FMN2: variants seen among roughly 807,000 people sequenced by gnomAD.
FMN2 encodes the protein formin 2.
FMN2 carries 51 observed loss-of-function variants against 142.3 expected under a neutral mutation model. The observed-to-expected ratio is 0.36, with a 90% CI of 0.29 to 0.45. FMN2 has a LOEUF of 0.45. Among genes scored for constraint, FMN2 ranks in the 20% least tolerant of loss-of-function variants. The pLI, the probability that FMN2 is intolerant of heterozygous loss-of-function variation, is 1.00. For missense variants in FMN2, 1,936 were observed against 2,122.8 expected (o/e 0.91, Z 1.73); for synonymous variants, 882 against 869.8 (o/e 1.01, Z -0.25).
chr1:240,124,902 G>A (rs775029932), intron 2 of FMN2, among the ~76,000 whole-genome samples: 7 of 152,042 alleles, frequency 4.6e-5, no homozygotes, highest in Non-Finnish European at 8.8e-5. Context: ...TCCTGACCTC[G>A]TGATCCACCC....
At chr1:240,274,173 G>A (rs138246144) in intron 7 of FMN2, among the ~76,000 whole-genome samples, 3 of 150,856 alleles carry the variant, frequency 2.0e-5, no homozygotes, top group African/African-American at 7.3e-5. Context: ...ATCCATGTCT[G>A]TGTTCCCATA....
At chr1:240,242,915 G>C (rs989777742) in intron 6 of FMN2, among the ~76,000 whole-genome samples, 6 of 152,112 alleles carry the variant, frequency 3.9e-5, no homozygotes, top group Non-Finnish European at 7.4e-5. Context: ...TAGGCTGCCC[G>C]AGTAAAGAGG....
At chr1:240,458,921 T>C (rs1009292876) in intron 16 of FMN2, 1 of 152,144 alleles carries the variant, frequency 6.6e-6, no homozygotes, top group Admixed American at 6.6e-5. Context: ...AAAGGGCGTA[T>C]CAAGTGAGCT....
chr1:240,462,813 G>T (rs1676488842), intron 16 of FMN2, among the ~76,000 whole-genome samples: 2 of 152,152 alleles, frequency 1.3e-5, no homozygotes, highest in Admixed American at 1.3e-4. Flanking sequence ...GGGGGGGAAA[G>T]AAGTATGTGA....
chr1:240,449,689 A>G (rs1675938458), intron 16 of FMN2, among the ~76,000 whole-genome samples: 1 of 152,214 alleles, frequency 6.6e-6, no homozygotes, highest in African/African-American at 2.4e-5. Context: ...GTGAAAAGCT[A>G]TTGTATACAA....
rs773816611 is a variant in FMN2, at chr1:240,123,311, A to C, written c.1748A>C (p.Asn583Thr). 182 of 1,614,022 alleles carry C rather than the reference A, an allele frequency of 1.1e-4. No homozygotes were observed. Among genetic ancestry groups the C allele is most frequent in the Non-Finnish European group, 1.5e-4 (177 of 1,180,028 alleles). Reference protein sequence around the residue: ...PFSDCFREPCNQNAQTNAASF... With the variant: ...PFSDCFREPCTQNAQTNAASF... The stretch of plus-strand genomic sequence containing the variant: ...AGTGATTGCTTCAGGGAACCGTGTA[A>C]TCAGAATGCCCAGACGAATGCAGCT... Residue 583 changes from asparagine to threonine, a missense_variant, in exon 2 of 18, where the codon AAT becomes ACT. Asn to Thr is a moderately conservative substitution (Grantham distance 65, BLOSUM62 0). Around this residue, in one of 8 missense-constraint regions of FMN2, gnomAD observed 478 missense variants for 462.8 expected, o/e 1.03. Coordinates refer to ENST00000319653, the MANE Select transcript of FMN2 (RefSeq NM_020066.5).
At chr1:240,236,248 A>AT (rs565182117) in intron 6 of FMN2, among the ~76,000 whole-genome samples, 3 of 151,882 alleles carry the variant, frequency 2.0e-5, no homozygotes, top group Non-Finnish European at 4.4e-5. Context: ...TGAAAATGGA[A>AT]TTTTTTCTCA....
intron 14 of FMN2, among the ~76,000 whole-genome samples, chr1:240,380,996 A>G (rs1010064963): frequency 6.6e-6 from 1 of 152,216 alleles, no homozygotes; most frequent in Non-Finnish European, 1.5e-5. Context: ...ACAAGTAATG[A>G]AATTGAGTCA....
At chr1:240,333,245 C>T (rs1007399546) in intron 11 of FMN2, among the ~76,000 whole-genome samples, 1 of 151,986 alleles carries the variant, frequency 6.6e-6, no homozygotes, top group Non-Finnish European at 1.5e-5. Context: ...AGATATGAAA[C>T]AATTTTACCT....
intron 4 of FMN2, among the ~76,000 whole-genome samples, chr1:240,198,563 T>A (rs1030438951): frequency 1.1e-4 from 16 of 152,192 alleles, no homozygotes; most frequent in African/African-American, 3.9e-4. Flanking sequence ...GCTCCCTGTG[T>A]GAGGCTCTTT....
intron 6 of FMN2, among the ~76,000 whole-genome samples, chr1:240,236,781 G>T (rs1667727139): frequency 6.6e-6 from 1 of 152,170 alleles, no homozygotes; most frequent in Non-Finnish European, 1.5e-5. Flanking sequence ...CCTCTCCCAT[G>T]ACCCAGTCAC....
At chr1:240,268,378 A>C (rs1379076) in intron 7 of FMN2, among the ~76,000 whole-genome samples, 41,739 of 151,980 alleles carry the variant, frequency 0.27, 5,907 homozygotes, top group Middle Eastern at 0.35. Context: ...TTAGAAGTTG[A>C]GCATGACTAC....
intron 6 of FMN2, among the ~76,000 whole-genome samples, chr1:240,247,229 G>A (rs1055344593): frequency 5.9e-5 from 9 of 152,200 alleles, no homozygotes; most frequent in Non-Finnish European, 1.2e-4. Flanking sequence ...CAGGCTGGGA[G>A]TGGTGGCTCA....
chr1:240,128,908 A>G (rs1309584089), intron 2 of FMN2, among the ~76,000 whole-genome samples: 2 of 152,060 alleles, frequency 1.3e-5, no homozygotes, highest in Non-Finnish European at 2.9e-5. Flanking sequence ...GAATCTCATT[A>G]TGCTGCCCAG....
chr1:240,207,493 C>T lies in FMN2; in HGVS notation c.2681C>T (p.Thr894Ile). 6.2e-7 allele frequency: 1 copy of T among 1,613,380 alleles called. No homozygotes were observed. Among genetic ancestry groups the T allele is most frequent in the Non-Finnish European group, 8.5e-7 (1 of 1,179,714 alleles). Residue 894 changes from threonine (T) to isoleucine (I), a missense_variant, in exon 5 of 18, where the codon ACA (threonine) becomes ATA (isoleucine). Physicochemically the swap from Thr to Ile is moderately conservative, Grantham distance 89. Transcript: ENST00000319653. The part of the protein sequence containing the change: ...PGMTVPTLPS[T>I]AIPQPPPLQG... Reference sequence around the variant, plus strand: ...ATGACAGTGCCTACTCTGCCCAGTACAGCCATTCCCCAACCTCCTCCTCTG... The same window carrying T: ...ATGACAGTGCCTACTCTGCCCAGTATAGCCATTCCCCAACCTCCTCCTCTG...
Position 240,271,931 on chromosome 1 carries a change from A to G in FMN2, c.4153+13899A>G, listed in dbSNP as rs1669032171. Among the ~76,000 whole-genome samples, 6 of 152,268 alleles carry G rather than the reference A, an allele frequency of 3.9e-5. No individual in the cohort carries two copies. In the South Asian group the frequency reaches 1.2e-3, roughly 32 times the overall value. On this transcript the variant is annotated intron_variant, in intron 7 of 17. Coordinates refer to ENST00000319653, the MANE Select transcript of FMN2 (RefSeq NM_020066.5). Reference sequence around the variant, plus strand: ...AGCAAAAAACTTGGGTTGAGCTTAGATTATATTTTTAATGACATTGTTCCA... The same window carrying G: ...AGCAAAAAACTTGGGTTGAGCTTAGGTTATATTTTTAATGACATTGTTCCA...
chr1:240,388,244 A>G lies in FMN2; in HGVS notation c.4859-4267A>G, dbSNP rs1230064197. 4.7e-5 allele frequency among the ~76,000 whole-genome samples: 7 copies of G among 149,252 alleles called. No individual in the cohort carries two copies. The East Asian group carries it at 1.4e-3, about 29-fold the overall frequency. On this transcript the variant is annotated intron_variant, in intron 14 of 17. Transcript: ENST00000319653. ...GCTCAAAGCAAAAAAAAAAAAAAAA[A>G]AAAAAAAAAATCATGAAACAACTCA...
At chr1:240,373,940 T>C (rs1015236164) in intron 14 of FMN2, among the ~76,000 whole-genome samples, 1 of 152,240 alleles carries the variant, frequency 6.6e-6, no homozygotes, top group Non-Finnish European at 1.5e-5. Context: ...TTACCAAATA[T>C]ATTTCTTAAA....
At chr1:240,286,207 G>T (rs1171933459) in intron 7 of FMN2, among the ~76,000 whole-genome samples, 1 of 152,076 alleles carries the variant, frequency 6.6e-6, no homozygotes, top group Admixed American at 6.6e-5. Flanking sequence ...TGGGGGAGGA[G>T]GGCTGAATGG....
Sources: gnomAD v4.1 joint callset for allele counts (sites outside exome capture counted in the v4.1 genomes callset) on GRCh38, gnomAD v4.1.1 for gene constraint, gnomAD v4.1.1 regional missense constraint, MANE v1.5 for transcripts, NCBI Gene and HGNC (gene_info 2026-07-23, HGNC 2026-07-21) for gene names.